FARP1: variants seen among roughly 807,000 people sequenced by gnomAD.
FARP1 encodes the protein FERM, ARHGEF and pleckstrin domain-containing protein 1.
A neutral mutation model predicts 128.8 loss-of-function variants in FARP1; 52 were observed. The observed-to-expected ratio is 0.40, with a 90% confidence interval of 0.32 to 0.51. The LOEUF (loss-of-function observed/expected upper bound fraction) is 0.51, where lower values mean the gene tolerates loss of function less well. FARP1 is among the 20% of genes least tolerant of loss of function. The pLI, the probability that FARP1 is intolerant of heterozygous loss-of-function variation, is 0.45. For synonymous variants in FARP1, 580 were observed against 551.8 expected, an observed-to-expected ratio of 1.05 and a Z score of -0.72; for missense variants, 1,333 against 1,367.9, an observed-to-expected ratio of 0.97 and a Z score of 0.40.
At position 98,453,411 on chromosome 13, in the gene FARP1, C is replaced by CA. The variant is rs1259265691; in HGVS notation, c.*5095dup. 1.7e-6 allele frequency: 1 copy of CA among 579,342 alleles called. No individual in the cohort carries two copies. The highest frequency in any genetic ancestry group is 3.0e-5 in the East Asian group (1 of 33,110). 35.9% of individuals were successfully genotyped at this position (579,342 alleles called of 1,614,324 possible). ...GATCATGATTCTTACACAAAAACTC[C>CA]AGAGCATGTCACCAAAAACCAAGAA... On this transcript the variant is annotated 3_prime_UTR_variant, in exon 27 of 27. Transcript: ENST00000319562.
chr13:98,248,744 C>T (rs1039557580), intron 2 of FARP1, among the ~76,000 whole-genome samples: 37 of 151,936 alleles, frequency 2.4e-4, no homozygotes, highest in African/African-American at 8.9e-4. Context: ...CTTCTTGTCT[C>T]AGCTCTCGCG....
chr13:98,367,127 A>C (rs1420822208), intron 4 of FARP1, among the ~76,000 whole-genome samples: 1 of 138,670 alleles, frequency 7.2e-6, no homozygotes, highest in Non-Finnish European at 1.6e-5. Context: ...CTCCAATGCA[A>C]ATCACAGATG....
intron 2 of FARP1, among the ~76,000 whole-genome samples, chr13:98,232,320 G>A (rs7320530): frequency 0.18 from 27,370 of 152,032 alleles, 6,159 homozygotes; most frequent in East Asian, 0.51. Flanking sequence ...AAAGATTTCT[G>A]TCAGAAGTAG....
chr13:98,149,996 C>T (rs1047328298), intron 1 of FARP1, among the ~76,000 whole-genome samples: 2 of 151,754 alleles, frequency 1.3e-5, no homozygotes, highest in African/African-American at 2.4e-5. Flanking sequence ...CTAGGCCTCC[C>T]AAAGTGCTGG....
intron 1 of FARP1, among the ~76,000 whole-genome samples, chr13:98,148,892 T>G (rs1371690534): frequency 7.2e-6 from 1 of 139,146 alleles, no homozygotes; most frequent in African/African-American, 2.8e-5. Context: ...TCTCTTTTAC[T>G]TTTTTTTTTT....
intron 2 of FARP1, among the ~76,000 whole-genome samples, chr13:98,247,044 T>C (rs1883105040): frequency 6.6e-6 from 1 of 152,214 alleles, no homozygotes; most frequent in Admixed American, 6.5e-5. Context: ...CTGGCCAACA[T>C]GGTGAAACCA....
intron 2 of FARP1, chr13:98,233,538 C>T (rs910059950): frequency 1.2e-4 from 19 of 152,214 alleles, no homozygotes; most frequent in African/African-American, 4.3e-4. Context: ...GAGGGTTCCC[C>T]AGCTGAAACT....
intron 2 of FARP1, among the ~76,000 whole-genome samples, chr13:98,313,422 C>T (rs771610971): frequency 3.3e-5 from 5 of 152,108 alleles, no homozygotes; most frequent in South Asian, 4.1e-4. Flanking sequence ...AACCCAGGAG[C>T]GGGATGCCAG....
At chr13:98,411,852 CTCG>C (rs774270163) in intron 15 of FARP1, 46 bp from the exon 16 acceptor site, 6 of 1,595,954 alleles carry the variant, frequency 3.8e-6, no homozygotes, top group African/African-American at 2.7e-5. Flanking sequence ...ACTGCAGACA[CTCG>C]TCATTGATCT....
chr13:98,372,081 CTTTTTTTT>C (rs56838920), intron 5 of FARP1, among the ~76,000 whole-genome samples: 2 of 92,340 alleles, frequency 2.2e-5, no homozygotes, highest in African/African-American at 4.4e-5. Context: ...CCCAGTTTTT[CTTTTTTTT>C]TTTTTTTTTT....
intron 1 of FARP1, among the ~76,000 whole-genome samples, chr13:98,168,185 A>G (rs1267042368): frequency 6.8e-6 from 1 of 147,670 alleles, no homozygotes; most frequent in Non-Finnish European, 1.5e-5. Flanking sequence ...AAAAAAAAAT[A>G]AAATAAATAA....
chr13:98,237,112 C>T (rs1418731024), intron 2 of FARP1, among the ~76,000 whole-genome samples: 1 of 151,964 alleles, frequency 6.6e-6, no homozygotes, highest in African/African-American at 2.4e-5. Flanking sequence ...CAAGACCAGC[C>T]TGACCAACAT....
In FARP1 at chr13:98,176,144, A is replaced by G. The variant is rs747823372; in HGVS notation, c.-24+32652A>G. Reference sequence around the variant, plus strand: ...AACAGGCTGCTTCTCCCCAGTGTACATACAGACTTGAGTCTTTCTTATCTC... The same window carrying G: ...AACAGGCTGCTTCTCCCCAGTGTACGTACAGACTTGAGTCTTTCTTATCTC... On this transcript the variant is annotated intron_variant, in intron 1 of 26. Coordinates refer to ENST00000319562, the MANE Select transcript of FARP1 (RefSeq NM_005766.4). This position sits in a 1 kb window ranked among gnomAD's most constrained non-coding sequence, Gnocchi z 6.2. The G allele has an allele frequency of 7.4e-5, 119 of 1,603,084 alleles. No individual in the cohort carries two copies. The highest frequency in any genetic ancestry group is 9.8e-5 in the Non-Finnish European group (115 of 1,170,658).
At chr13:98,394,928 C>T (rs1167287935) in intron 12 of FARP1, among the ~76,000 whole-genome samples, 1 of 152,100 alleles carries the variant, frequency 6.6e-6, no homozygotes, top group African/African-American at 2.4e-5. Flanking sequence ...CTGTCTCCCC[C>T]TCCAAAAAAG....
At chr13:98,235,354 T>C (rs1222912793) in intron 2 of FARP1, among the ~76,000 whole-genome samples, 1 of 152,166 alleles carries the variant, frequency 6.6e-6, no homozygotes, top group Non-Finnish European at 1.5e-5. Context: ...ACAAGTGACT[T>C]GAAGGCACTG....
At chr13:98,146,747 T>G (rs1875595510) in intron 1 of FARP1, among the ~76,000 whole-genome samples, 2 of 152,362 alleles carry the variant, frequency 1.3e-5, no homozygotes, top group South Asian at 4.1e-4. Context: ...GGTTACCGTT[T>G]GCCTGGGAAG....
chr13:98,272,535 A>G (rs1253465810), intron 2 of FARP1, among the ~76,000 whole-genome samples: 1 of 152,170 alleles, frequency 6.6e-6, no homozygotes, highest in Non-Finnish European at 1.5e-5. Flanking sequence ...CCTTCTGTTT[A>G]AGTCACTAGG....
chr13:98,308,023 CA>C (rs1886250300), intron 2 of FARP1, among the ~76,000 whole-genome samples: 59 of 28,934 alleles, frequency 2.0e-3, no homozygotes, highest in African/African-American at 9.2e-3. Flanking sequence ...CGCCCGCCCC[CA>C]CTCTCTCTCT....
At chr13:98,200,159 G>A in intron 1 of FARP1, among the ~76,000 whole-genome samples, 1 of 152,196 alleles carries the variant, frequency 6.6e-6, no homozygotes, top group East Asian at 1.9e-4. Context: ...TTTTTCTTGC[G>A]AGGAGCTGCT....
Sources: gnomAD v4.1 joint callset for allele counts (sites outside exome capture counted in the v4.1 genomes callset) on GRCh38, gnomAD v4.1.1 for gene constraint, Gnocchi (gnomAD v3.1) non-coding constraint, MANE v1.5 for transcripts, NCBI Gene and HGNC (gene_info 2026-07-23, HGNC 2026-07-21) for gene names.